ALPK1: variants seen among roughly 807,000 people sequenced by gnomAD.
The protein encoded by ALPK1 is alpha-protein kinase 1.
ALPK1 carries 110 observed loss-of-function variants against 120.6 expected under a neutral mutation model. The ratio of observed to expected loss-of-function variants is 0.91; its 90% CI spans 0.78 to 1.07. The LOEUF (loss-of-function observed/expected upper bound fraction) is 1.07. ALPK1 is among the 50% of genes least tolerant of loss of function. ALPK1 has a pLI of 0.00. For synonymous variants in ALPK1, 582 were observed against 560.3 expected (o/e 1.04, Z -0.55); for missense variants, 1,498 against 1,483.9 (o/e 1.01, Z -0.16).
intron 5 of ALPK1, among the ~76,000 whole-genome samples, chr4:112,415,556 G>A (rs573064525): frequency 6.6e-6 from 1 of 151,676 alleles, no homozygotes; most frequent in Non-Finnish European, 1.5e-5. Flanking sequence ...AGAATTGCTT[G>A]AACCCAGAAG....
chr4:112,421,867 C>T (rs917742866), intron 5 of ALPK1, among the ~76,000 whole-genome samples: 11 of 152,196 alleles, frequency 7.2e-5, no homozygotes, highest in Admixed American at 4.6e-4. Context: ...GCAACTTTGG[C>T]ATATGAATTT....
intron 2 of ALPK1, among the ~76,000 whole-genome samples, chr4:112,367,031 C>T (rs958678441): frequency 3.3e-5 from 5 of 152,128 alleles, no homozygotes; most frequent in Non-Finnish European, 7.4e-5. Context: ...CTACAGTGGA[C>T]TTTGAGGACT....
Position 112,357,951 on chromosome 4 carries a change from C to T in ALPK1, c.-100-19727C>T, listed in dbSNP as rs530499844. 21 of 787,860 alleles carry T rather than the reference C, an allele frequency of 2.7e-5. No individual in the cohort carries two copies. The Admixed American group carries it at 3.2e-4, about 12-fold the overall frequency. The allele number at this position is 787,860 out of a possible 1,614,324, so 48.8% of individuals were successfully genotyped here. On this transcript the variant is annotated intron_variant, in intron 2 of 15. Transcript: ENST00000650871. ...GTGCTTACTAAGCAAGGATTGCCTCCCCCGGGGTCTACCGGCGCCACCTTC... is the reference window on the plus strand; with the variant it reads ...GTGCTTACTAAGCAAGGATTGCCTCTCCCGGGGTCTACCGGCGCCACCTTC...
In ALPK1 at chr4:112,427,333, CAT is replaced by C. The variant is rs753035436; in HGVS notation, c.700-236_700-235del. 2.3e-3 allele frequency among the ~76,000 whole-genome samples: 151 copies of C among 67,088 alleles called. 1 individual carries two copies. Among genetic ancestry groups the C allele is most frequent in the Non-Finnish European group, 1.9e-3 (62 of 32,910 alleles). 44.0% of individuals were successfully genotyped at this position (67,088 alleles called of 152,430 possible). A position where few individuals can be genotyped will look rare whatever the true frequency, so the allele number is the denominator to read the frequency against. ...AAAATGTCACATTGTATCCCATAAACATGTATAATTATTATATACATGTTTGA... is the reference window on the plus strand; with the variant it reads ...AAAATGTCACATTGTATCCCATAAACGTATAATTATTATATACATGTTTGA... On this transcript the variant is annotated intron_variant, in intron 8 of 15. Coordinates refer to ENST00000650871, the MANE Select transcript of ALPK1 (RefSeq NM_025144.4).
At chr4:112,298,275 C>G (rs192918965) in intron 1 of ALPK1, among the ~76,000 whole-genome samples, 8 of 152,074 alleles carry the variant, frequency 5.3e-5, no homozygotes, top group Non-Finnish European at 8.8e-5. Flanking sequence ...CTGTCTCTCT[C>G]TCTCTCCCTT....
intron 8 of ALPK1, among the ~76,000 whole-genome samples, chr4:112,427,328 A>G (rs972175551): frequency 3.8e-5 from 3 of 78,278 alleles, no homozygotes; most frequent in African/African-American, 1.7e-4. Flanking sequence ...ATTGTATCCC[A>G]TAAACATGTA....
At chr4:112,339,780 T>G (rs961187383) in intron 2 of ALPK1, among the ~76,000 whole-genome samples, 4 of 152,240 alleles carry the variant, frequency 2.6e-5, no homozygotes, top group Non-Finnish European at 5.9e-5. Context: ...AAATGTTTAA[T>G]GCTGCCCTGC....
intron 4 of ALPK1, among the ~76,000 whole-genome samples, chr4:112,393,775 C>T (rs968296667): frequency 2.0e-5 from 3 of 152,204 alleles, no homozygotes; most frequent in Non-Finnish European, 4.4e-5. Context: ...TGCATCTTTT[C>T]TCCAAGTAAA....
intron 1 of ALPK1, among the ~76,000 whole-genome samples, chr4:112,306,439 T>C (rs1355519960): frequency 6.6e-6 from 1 of 152,260 alleles, no homozygotes; most frequent in East Asian, 1.9e-4. Flanking sequence ...CTGTTATTGG[T>C]CAATTCAGGG....
chr4:112,336,690 T>A (rs1029627474), intron 2 of ALPK1, among the ~76,000 whole-genome samples: 1 of 152,218 alleles, frequency 6.6e-6, no homozygotes, highest in Admixed American at 6.5e-5. Flanking sequence ...CAGCGTCTTC[T>A]ATAGTTATCT....
intron 5 of ALPK1, chr4:112,414,607 T>TC (rs142255013): frequency 0.02 from 2,488 of 125,256 alleles, 29 homozygotes; most frequent in Middle Eastern, 0.058. Flanking sequence ...AGACTTCGTC[T>TC]CAAAAAAAAA....
intron 5 of ALPK1, among the ~76,000 whole-genome samples, chr4:112,412,786 G>A (rs1301226202): frequency 6.6e-6 from 1 of 152,176 alleles, no homozygotes; most frequent in Non-Finnish European, 1.5e-5. Flanking sequence ...AATGGGACTG[G>A]TTCATTTTCT....
chr4:112,361,756 C>G (rs1730921497), intron 2 of ALPK1, among the ~76,000 whole-genome samples: 1 of 152,212 alleles, frequency 6.6e-6, no homozygotes. Context: ...TTGAAAGTGC[C>G]ACCTCCTGGC....
At chr4:112,406,789 G>A (rs6838405) in intron 4 of ALPK1, among the ~76,000 whole-genome samples, 55,620 of 151,998 alleles carry the variant, frequency 0.37, 10,602 homozygotes, top group African/African-American at 0.48. Context: ...ACCTGTACCT[G>A]GAAGGAAGGA....
At chr4:112,317,420 G>A (rs1192441943) in intron 2 of ALPK1, among the ~76,000 whole-genome samples, 1 of 152,092 alleles carries the variant, frequency 6.6e-6, no homozygotes, top group Non-Finnish European at 1.5e-5. Flanking sequence ...TGTATGTGGT[G>A]TTGTAAAGTA....
Position 112,430,429 on chromosome 4 carries a change from T to A in ALPK1, c.901-19T>A. 1 of 1,545,644 alleles carries A rather than the reference T, an allele frequency of 6.5e-7. No homozygotes were observed. Among genetic ancestry groups the A allele is most frequent in the South Asian group, 1.2e-5 (1 of 80,956 alleles). On this transcript the variant is annotated intron_variant, in intron 10 of 15. Transcript: ENST00000650871. ...GTTTTCAATTCAATATCTGATTTGG[T>A]ATTTGGTATTTTTCCCAGAATATCC...
intron 2 of ALPK1, chr4:112,356,198 C>T (rs1730603386): frequency 6.2e-6 from 10 of 1,605,906 alleles, no homozygotes. Context: ...CAAATGCCAA[C>T]AGGAGTACAT....
At chr4:112,392,807 CG>C (rs1356879061) in intron 4 of ALPK1, among the ~76,000 whole-genome samples, 3 of 152,126 alleles carry the variant, frequency 2.0e-5, no homozygotes, top group Non-Finnish European at 2.9e-5. Context: ...CTGGGATTGC[CG>C]GATTGAACCA....
intron 2 of ALPK1, among the ~76,000 whole-genome samples, chr4:112,324,108 AC>A (rs1289367671): frequency 6.6e-6 from 1 of 152,112 alleles, no homozygotes; most frequent in Non-Finnish European, 1.5e-5. Context: ...CGGGCGGATC[AC>A]GAGGTCAGGA....
Sources: gnomAD v4.1 joint callset for allele counts (sites outside exome capture counted in the v4.1 genomes callset) on GRCh38, gnomAD v4.1.1 for gene constraint, MANE v1.5 for transcripts, NCBI Gene and HGNC (gene_info 2026-07-23, HGNC 2026-07-21) for gene names.